Variants in ADAM23 observed in about 807,000 individuals in gnomAD.
The protein encoded by ADAM23 is disintegrin and metalloproteinase domain-containing protein 23.
ADAM23 carries 33 observed loss-of-function variants against 120.1 expected under a neutral mutation model. The ratio of observed to expected loss-of-function variants is 0.27; its 90% CI spans 0.21 to 0.37. ADAM23 has a LOEUF of 0.37. Among genes scored for constraint, ADAM23 ranks in the 10% least tolerant of loss-of-function variants. ADAM23 has a pLI of 1.00. For missense variants in ADAM23, 862 were observed against 1,058.2 expected (o/e 0.81, Z 2.57); for synonymous variants, 367 against 375.2 (o/e 0.98, Z 0.25).
At chr2:206,483,318 G>A (rs1695936134) in intron 3 of ADAM23, among the ~76,000 whole-genome samples, 2 of 152,144 alleles carry the variant, frequency 1.3e-5, no homozygotes, top group Admixed American at 1.3e-4. Context: ...AATGGTGAAG[G>A]GAAGAGAATG....
intron 2 of ADAM23, among the ~76,000 whole-genome samples, chr2:206,477,897 A>AAAATAT (rs374524658): frequency 9.6e-5 from 9 of 93,570 alleles, no homozygotes; most frequent in South Asian, 3.2e-4. Flanking sequence ...AAAAAAAAAA[A>AAAATAT]ATATATATAT....
chr2:206,498,705 T>A (rs1333686503), intron 3 of ADAM23, among the ~76,000 whole-genome samples: 2 of 151,746 alleles, frequency 1.3e-5, no homozygotes, highest in African/African-American at 4.8e-5. Context: ...ACCATCAGAG[T>A]GAACAGGCAG....
intron 18 of ADAM23, among the ~76,000 whole-genome samples, chr2:206,576,799 AC>A (rs1359834896): frequency 6.6e-6 from 1 of 152,212 alleles, no homozygotes; most frequent in Non-Finnish European, 1.5e-5. Flanking sequence ...AACAATACTT[AC>A]GTAATTAAGA....
chr2:206,556,749 C>G lies in ADAM23; in HGVS notation c.934-678C>G, dbSNP rs192401782. Among the ~76,000 whole-genome samples, 4 of 152,208 alleles carry G rather than the reference C, an allele frequency of 2.6e-5. No homozygotes were observed. In the East Asian group the frequency reaches 7.7e-4, roughly 29 times the overall value. On this transcript the variant is annotated intron_variant, in intron 9 of 25. Coordinates refer to ENST00000264377, the MANE Select transcript of ADAM23 (RefSeq NM_003812.4). ...ACTTCATTTTTACTTTTTGTCTTCT[C>G]TTTGTTTTGACTTTGAGCAGTCAAA...
Position 206,548,420 on chromosome 2 carries a change from A to G in ADAM23, c.867+66A>G, listed in dbSNP as rs901939594. 1.0e-5 allele frequency: 15 copies of G among 1,468,840 alleles called. No homozygotes were observed. The Admixed American group carries it at 1.9e-4, about 18-fold the overall frequency. The allele number at this position is 1,468,840 out of a possible 1,614,324, so 91.0% of individuals were successfully genotyped here. A position where few individuals can be genotyped will look rare whatever the true frequency, so the allele number is the denominator to read the frequency against. On this transcript the variant is annotated intron_variant, in intron 8 of 25. Transcript: ENST00000264377. ...AATGAAGTCATGTGCCTATCACCCCACATTATCTAAGTGTACCTAAAACAG... is the reference window on the plus strand; with the variant it reads ...AATGAAGTCATGTGCCTATCACCCCGCATTATCTAAGTGTACCTAAAACAG...
rs1184047964 is a variant in ADAM23 at position 206,443,567 on chromosome 2, A to C, written c.-300A>C. On this transcript the variant is annotated 5_prime_UTR_variant, in exon 1 of 26. Coordinates refer to ENST00000264377, the MANE Select transcript of ADAM23 (RefSeq NM_003812.4). ...CCGGCGGCAGCCCCCGCAGTCGCTGAAGCGGCCGCGCCCGCCGGGGGAGGG... is the reference window on the plus strand; with the variant it reads ...CCGGCGGCAGCCCCCGCAGTCGCTGCAGCGGCCGCGCCCGCCGGGGGAGGG... 1 of 139,882 alleles carries C rather than the reference A, an allele frequency of 7.1e-6. No homozygotes were observed. Among genetic ancestry groups the C allele is most frequent in the Non-Finnish European group, 1.6e-5 (1 of 62,312 alleles). 8.7% of individuals were successfully genotyped at this position (139,882 alleles called of 1,614,324 possible). A position where few individuals can be genotyped will look rare whatever the true frequency, so the allele number is the denominator to read the frequency against.
chr2:206,547,468 G>T lies in ADAM23; in HGVS notation c.760G>T (p.Ala254Ser). The change falls in exon 7 of 26, where the codon GCA (alanine) becomes TCA (serine). Residue 254 changes from alanine to serine, a missense_variant. Ala to Ser is a moderately conservative substitution (Grantham distance 99, BLOSUM62 1). Coordinates refer to ENST00000264377, the MANE Select transcript of ADAM23 (RefSeq NM_003812.4). ...ACCACATATAATCCAGAAAACCTTG[G>T]CAGGACAGTATTCTAAGCAAATGAA... ...GRPHIIQKTLAGQYSKQMKNL... is the reference protein window; with the variant it reads ...GRPHIIQKTLSGQYSKQMKNL... 6.2e-7 allele frequency: 1 copy of T among 1,613,028 alleles called. No individual in the cohort carries two copies. Among genetic ancestry groups the T allele is most frequent in the Non-Finnish European group, 8.5e-7 (1 of 1,179,402 alleles).
intron 17 of ADAM23, among the ~76,000 whole-genome samples, chr2:206,572,696 A>C (rs1439041135): frequency 6.6e-6 from 1 of 152,222 alleles, no homozygotes; most frequent in African/African-American, 2.4e-5. Flanking sequence ...GTGTTTAGCA[A>C]AAGAAAGTTT....
At chr2:206,512,498 G>A (rs957514283) in intron 3 of ADAM23, among the ~76,000 whole-genome samples, 3 of 152,144 alleles carry the variant, frequency 2.0e-5, no homozygotes, top group African/African-American at 7.2e-5. Context: ...AAAAACTTTT[G>A]TATAAAAATA....
Position 206,481,218 on chromosome 2 carries a change from T to C in ADAM23, c.433-14T>C. The C allele has an allele frequency of 6.3e-7, 1 of 1,593,838 alleles. No individual in the cohort carries two copies. Among genetic ancestry groups the C allele is most frequent in the Middle Eastern group, 1.7e-4 (1 of 5,968 alleles). On this transcript the variant is annotated splice_polypyrimidine_tract_variant and intron_variant, in intron 2 of 25. Coordinates refer to ENST00000264377, the MANE Select transcript of ADAM23 (RefSeq NM_003812.4). ...AAAGTAAGTTAAGGTTCTTCTGTCT[T>C]TTTGAATCCATAGGCTGTCCATCTG...
chr2:206,493,043 A>G (rs1010482013), intron 3 of ADAM23, among the ~76,000 whole-genome samples: 4 of 152,222 alleles, frequency 2.6e-5, no homozygotes, highest in Admixed American at 2.0e-4. Flanking sequence ...ATAGATTTAT[A>G]TAAAGTAAGG....
At chr2:206,465,851 T>C (rs1695532524) in intron 2 of ADAM23, among the ~76,000 whole-genome samples, 2 of 152,204 alleles carry the variant, frequency 1.3e-5, no homozygotes, top group African/African-American at 4.8e-5. Flanking sequence ...TATATAATGC[T>C]TCAGAATCTT....
intron 4 of ADAM23, among the ~76,000 whole-genome samples, chr2:206,539,041 A>G (rs1485581095): frequency 6.6e-6 from 1 of 152,152 alleles, no homozygotes. Flanking sequence ...AAAGATGGAC[A>G]TGGCTTCAAT....
intron 15 of ADAM23, among the ~76,000 whole-genome samples, chr2:206,567,641 A>G (rs1697916268): frequency 6.6e-6 from 1 of 152,154 alleles, no homozygotes; most frequent in Non-Finnish European, 1.5e-5. Flanking sequence ...TGCTGCTAAG[A>G]GATGGTGGGT....
At chr2:206,517,130 C>A (rs77996605) in intron 3 of ADAM23, among the ~76,000 whole-genome samples, 2,798 of 152,304 alleles carry the variant, frequency 0.018, 45 homozygotes, top group Non-Finnish European at 0.03. Context: ...TTGAAATATA[C>A]TAAAGAGGAC....
At chr2:206,588,249 G>A in intron 20 of ADAM23, 95 bp downstream of exon 20, 1 of 1,300,664 alleles carries the variant, frequency 7.7e-7, no homozygotes, top group East Asian at 2.5e-5. Context: ...GCACAGCTTG[G>A]AGTGATGTTT....
intron 25 of ADAM23, among the ~76,000 whole-genome samples, chr2:206,613,818 C>A: frequency 6.6e-6 from 1 of 152,214 alleles, no homozygotes; most frequent in South Asian, 2.1e-4. Context: ...GGATTGTCTT[C>A]AGCACCTTAG....
chr2:206,602,698 T>G (rs56055040), intron 24 of ADAM23, among the ~76,000 whole-genome samples: 2,017 of 152,250 alleles, frequency 0.013, 26 homozygotes, highest in Non-Finnish European at 0.021. Flanking sequence ...AAACAGCACA[T>G]TTTCAAAATG....
intron 2 of ADAM23, among the ~76,000 whole-genome samples, chr2:206,473,866 A>G (rs2105871160): frequency 6.6e-6 from 1 of 151,798 alleles, no homozygotes; most frequent in South Asian, 2.1e-4. Flanking sequence ...TAAAAATATT[A>G]GCTGAGAGCA....
Sources: allele counts gnomAD v4.1 joint callset (sites outside exome capture counted in the v4.1 genomes callset), GRCh38; gene constraint gnomAD v4.1.1; transcripts MANE v1.5; gene names NCBI Gene and HGNC (gene_info 2026-07-23, HGNC 2026-07-21).